Variants in GRHL2 observed in about 807,000 individuals in gnomAD.
GRHL2 encodes grainyhead like transcription factor 2.
GRHL2 carries 21 observed loss-of-function variants against 83.8 expected under a neutral mutation model. The observed-to-expected ratio is 0.25, with a 90% CI of 0.18 to 0.36. The LOEUF (loss-of-function observed/expected upper bound fraction) is 0.36, where lower values mean the gene tolerates loss of function less well. Ranked by LOEUF, GRHL2 falls within the 10% of genes least tolerant of loss-of-function variation. GRHL2 has a pLI of 1.00. For missense variants in GRHL2, 623 were observed against 781.8 expected, an observed-to-expected ratio of 0.80 and a Z score of 2.42; for synonymous variants, 280 against 278.9, an observed-to-expected ratio of 1.00 and a Z score of -0.04.
intron 3 of GRHL2, among the ~76,000 whole-genome samples, chr8:101,554,640 G>A (rs748235757): frequency 6.6e-6 from 1 of 152,146 alleles, no homozygotes; most frequent in East Asian, 1.9e-4. Context: ...GCATATTCAT[G>A]AATTAAGTTG....
Position 101,594,069 on chromosome 8 carries a change from CAAAAAAAAAAAAAAA to C in GRHL2, c.1004-4973_1004-4959del, listed in dbSNP as rs534396520. On this transcript the variant is annotated intron_variant, in intron 7 of 15. Transcript: ENST00000646743. ...GGACAATAAGAGTGAGAGTCTGTAT[CAAAAAAAAAAAAAAA>C]AAAAAAAAAAAAAAGAGAGAGATAG... Among the ~76,000 whole-genome samples the C allele has an allele frequency of 2.6e-4, 13 of 49,108 alleles. No homozygotes were observed. The Admixed American group carries it at 3.0e-3, about 11-fold the overall frequency. The allele number at this position is 49,108 out of a possible 152,430, so 32.2% of individuals were successfully genotyped here.
At position 101,561,419 on chromosome 8, in the gene GRHL2, T is replaced by A. The variant is rs368264910; in HGVS notation, c.678+2607T>A. On this transcript the variant is annotated intron_variant, in intron 4 of 15. Transcript: ENST00000646743. Reference sequence around the variant, plus strand: ...TGTCATTCCAGGCAAAGATTATTCATTTCTCATCCCCAACATCCACAACTA... The same window carrying A: ...TGTCATTCCAGGCAAAGATTATTCAATTCTCATCCCCAACATCCACAACTA... 2.5e-4 allele frequency among the ~76,000 whole-genome samples: 38 copies of A among 152,294 alleles called. 1 individual carries two copies. The East Asian group carries it at 6.9e-3, about 28-fold the overall frequency.
intron 4 of GRHL2, among the ~76,000 whole-genome samples, chr8:101,567,487 T>TA (rs1453957254): frequency 1.3e-5 from 2 of 152,240 alleles, no homozygotes; most frequent in Non-Finnish European, 2.9e-5. Flanking sequence ...AGGTCTCATC[T>TA]AAAGGATGGT....
Position 101,652,524 on chromosome 8 carries a change from G to GTTTA in GRHL2, c.1698+3026_1698+3027insTTAT, listed in dbSNP as rs773720768. 2.9e-4 allele frequency among the ~76,000 whole-genome samples: 26 copies of GTTTA among 88,806 alleles called. 4 individuals are homozygous for GTTTA. Among genetic ancestry groups the GTTTA allele is most frequent in the African/African-American group, 1.7e-3 (25 of 14,954 alleles). 58.3% of individuals were successfully genotyped at this position (88,806 alleles called of 152,430 possible). On this transcript the variant is annotated intron_variant, in intron 14 of 15. Transcript: ENST00000646743. ...TGTGTGTGTGTGGTGTGTGTGTGGTGTGTGTGTGGTGTGTGTGTGTGTGGT... is the reference window on the plus strand; with the variant it reads ...TGTGTGTGTGTGGTGTGTGTGTGGTGTTTATGTGTGTGGTGTGTGTGTGTGTGGT...
chr8:101,582,778 T>A (rs1459225355), intron 7 of GRHL2, among the ~76,000 whole-genome samples: 3 of 152,212 alleles, frequency 2.0e-5, no homozygotes, highest in African/African-American at 7.2e-5. Context: ...TTCTTGCTCT[T>A]TGTTGCTTTA....
chr8:101,646,533 A>C (rs78974452), intron 13 of GRHL2, among the ~76,000 whole-genome samples: 1,792 of 152,338 alleles, frequency 0.012, 34 homozygotes, highest in African/African-American at 0.041. Context: ...CAGTGGGGTT[A>C]CTGGGCCCCT....
intron 5 of GRHL2, among the ~76,000 whole-genome samples, chr8:101,572,945 C>T (rs1459052940): frequency 6.6e-6 from 1 of 152,152 alleles, no homozygotes; most frequent in Non-Finnish European, 1.5e-5. Context: ...TGCTGTAGTA[C>T]GAAAGCAGTC....
chr8:101,579,453 A>C lies in GRHL2; in HGVS notation c.1003+1934A>C, dbSNP rs114626957. ...TTTCTGTATACACATGTGTCCCCAT[A>C]GGCACACACATGCTTTATCTCTGAG... On this transcript the variant is annotated intron_variant, in intron 7 of 15. Coordinates refer to ENST00000646743, the MANE Select transcript of GRHL2 (RefSeq NM_024915.4). Among the ~76,000 whole-genome samples the C allele has an allele frequency of 1.7e-3, 262 of 152,254 alleles. 2 individuals are homozygous for C. The highest frequency in any genetic ancestry group is 5.9e-3 in the African/African-American group (246 of 41,534).
At chr8:101,522,666 A>G (rs1279913358) in intron 1 of GRHL2, among the ~76,000 whole-genome samples, 1 of 151,556 alleles carries the variant, frequency 6.6e-6, no homozygotes, top group African/African-American at 2.4e-5. Flanking sequence ...GTCTATTCAT[A>G]AACACAAAAA....
intron 3 of GRHL2, among the ~76,000 whole-genome samples, chr8:101,556,930 T>A (rs529116924): frequency 1.3e-5 from 2 of 152,248 alleles, no homozygotes; most frequent in East Asian, 3.9e-4. Flanking sequence ...TTGGTAAAAA[T>A]TTTCAAACAC....
chr8:101,648,801 G>A (rs1409099425), intron 13 of GRHL2, among the ~76,000 whole-genome samples: 2 of 151,970 alleles, frequency 1.3e-5, no homozygotes, highest in African/African-American at 2.4e-5. Context: ...CTGCATTCAC[G>A]CACACACAAT....
At chr8:101,582,257 A>G (rs1419789281) in intron 7 of GRHL2, among the ~76,000 whole-genome samples, 2 of 138,316 alleles carry the variant, frequency 1.4e-5, no homozygotes, top group Non-Finnish European at 3.2e-5. Flanking sequence ...AAAAAATGGG[A>G]CTGACAAATT....
At chr8:101,513,504 T>TTTTTTTTTTTTG in intron 1 of GRHL2, among the ~76,000 whole-genome samples, 1 of 140,526 alleles carries the variant, frequency 7.1e-6, no homozygotes, top group South Asian at 2.4e-4. Context: ...GTTGTGCTTT[T>TTTTTTTTTTTTG]TTTTTTGGAG....
chr8:101,571,490 TAA>T (rs55827087), intron 5 of GRHL2, among the ~76,000 whole-genome samples: 4 of 131,336 alleles, frequency 3.0e-5, no homozygotes, highest in Admixed American at 7.8e-5. Flanking sequence ...CCCCATTACA[TAA>T]AAAAAAAAAA....
Position 101,666,705 on chromosome 8 carries a change from C to T in GRHL2, c.*2C>T. ...AAGGTCACGCTCATGGAAATCTAGC[C>T]CTGGGTTTGGCATCCGCTTTGGCTG... On this transcript the variant is annotated 3_prime_UTR_variant, in exon 16 of 16. Coordinates refer to ENST00000646743, the MANE Select transcript of GRHL2 (RefSeq NM_024915.4). 6.3e-7 allele frequency: 1 copy of T among 1,595,034 alleles called. No homozygotes were observed. The highest frequency in any genetic ancestry group is 8.6e-7 in the Non-Finnish European group (1 of 1,162,596).
At chr8:101,555,193 CTG>C (rs778161758) in intron 3 of GRHL2, among the ~76,000 whole-genome samples, 6 of 152,178 alleles carry the variant, frequency 3.9e-5, no homozygotes, top group East Asian at 3.8e-4. Flanking sequence ...GCCAATGAGA[CTG>C]TGTGTGTGCA....
At chr8:101,589,006 T>C (rs547898112) in intron 7 of GRHL2, among the ~76,000 whole-genome samples, 1 of 152,302 alleles carries the variant, frequency 6.6e-6, no homozygotes, top group South Asian at 2.1e-4. Flanking sequence ...GGGGCCCTGT[T>C]TGTCGGGGTG....
chr8:101,508,549 T>C (rs986413771), intron 1 of GRHL2, among the ~76,000 whole-genome samples: 3 of 152,148 alleles, frequency 2.0e-5, no homozygotes, highest in African/African-American at 4.8e-5. Flanking sequence ...TGTGGAGCCA[T>C]GATCTCTTCT....
intron 14 of GRHL2, among the ~76,000 whole-genome samples, chr8:101,656,154 T>A (rs757010056): frequency 4.6e-5 from 7 of 152,222 alleles, no homozygotes; most frequent in Non-Finnish European, 8.8e-5. Context: ...CCATGTTTAT[T>A]GTTTCTCTCT....
Sources: gnomAD v4.1 joint callset for allele counts (sites outside exome capture counted in the v4.1 genomes callset) on GRCh38, gnomAD v4.1.1 for gene constraint, MANE v1.5 for transcripts, NCBI Gene and HGNC (gene_info 2026-07-23, HGNC 2026-07-21) for gene names.